Variants in EXD3 observed in about 807,000 individuals in gnomAD.
The protein encoded by EXD3 is exonuclease 3'-5' domain containing 3, also known as exonuclease mut-7 homolog.
In EXD3, 92 loss-of-function variants were observed where a neutral mutation model predicts 98.0. The ratio of observed to expected loss-of-function variants is 0.94; its 90% CI spans 0.79 to 1.12. The LOEUF (loss-of-function observed/expected upper bound fraction) is 1.12, where lower values mean the gene tolerates loss of function less well. Ranked by LOEUF, EXD3 falls within the 50% of genes most tolerant of loss-of-function variation. The pLI, the probability that EXD3 is intolerant of heterozygous loss-of-function variation, is 0.00. For synonymous variants in EXD3, 569 were observed against 526.0 expected (o/e 1.08, Z -1.12); for missense variants, 1,222 against 1,191.6 (o/e 1.03, Z -0.38).
intron 3 of EXD3, among the ~76,000 whole-genome samples, chr9:137,378,871 C>A (rs543809720): frequency 6.6e-6 from 1 of 151,084 alleles, no homozygotes; most frequent in Admixed American, 6.6e-5. Context: ...GTGAGGGGTA[C>A]AGGGTTTGTG....
At chr9:137,316,268 C>G (rs1212922118) in intron 19 of EXD3, among the ~76,000 whole-genome samples, 2 of 151,862 alleles carry the variant, frequency 1.3e-5, no homozygotes, top group African/African-American at 4.8e-5. Flanking sequence ...CCACTCAGGG[C>G]GCCCGGCGGA....
chr9:137,392,999 G>A (rs572812313), intron 2 of EXD3: 5 of 587,584 alleles, frequency 8.5e-6, no homozygotes, highest in East Asian at 2.9e-5. Context: ...GGCTGTTCTC[G>A]GTGGGGGTGC....
At chr9:137,350,964 T>C in intron 14 of EXD3, 74 bp downstream of exon 14, 2 of 1,227,340 alleles carry the variant, frequency 1.6e-6, no homozygotes, top group African/African-American at 3.0e-5. Context: ...GCTGGGAAGG[T>C]GTGGAGGGGC....
intron 17 of EXD3, among the ~76,000 whole-genome samples, chr9:137,327,652 A>G (rs528337734): frequency 1.3e-5 from 1 of 75,264 alleles, no homozygotes; most frequent in South Asian, 4.3e-4. Context: ...ATGATGAGTA[A>G]AAACAACCAA....
At chr9:137,354,623 G>T (rs754377519) in intron 9 of EXD3, 77 bp downstream of exon 9, 7 of 1,591,332 alleles carry the variant, frequency 4.4e-6, no homozygotes, top group Middle Eastern at 1.7e-4. Context: ...CCTGCAGTGC[G>T]CAGTGAGTAT....
chr9:137,384,471 G>T (rs757133500), intron 2 of EXD3, among the ~76,000 whole-genome samples: 2 of 152,232 alleles, frequency 1.3e-5, no homozygotes, highest in Non-Finnish European at 2.9e-5. Flanking sequence ...GGCAGGGAGC[G>T]CCCTGAACTG....
At chr9:137,352,888 T>C in intron 10 of EXD3, 102 bp from the exon 11 acceptor site, 2 of 1,464,022 alleles carry the variant, frequency 1.4e-6, no homozygotes, top group Non-Finnish European at 1.8e-6. Context: ...AGACTGGCTA[T>C]GAGCACTCGG....
rs761799661 is a variant in EXD3 at position 137,373,009 on chromosome 9, T to TG, written c.357dup (p.Ser120GlnfsTer52). ...ATGCTGGCCAGTGGTGCCGCAAGGCTGGGGGGGCTCTCAGTGAGGACTTTG... is the reference window on the plus strand; with the variant it reads ...ATGCTGGCCAGTGGTGCCGCAAGGCTGGGGGGGGCTCTCAGTGAGGACTTTG... On this transcript the variant is annotated frameshift_variant, in exon 5 of 22. Transcript: ENST00000340951. LOFTEE classifies it high-confidence loss of function. 76 of 1,604,984 alleles carry TG rather than the reference T, an allele frequency of 4.7e-5. No individual in the cohort carries two copies. In the Admixed American group the frequency reaches 8.2e-4, roughly 17 times the overall value.
At position 137,337,419 on chromosome 9, in the gene EXD3, A is replaced by G. The variant is rs566107584; in HGVS notation, c.1998+10652T>C. On this transcript the variant is annotated intron_variant, in intron 17 of 21. Transcript: ENST00000340951. ...TATAATCCCAGCAGTTTGGGAGGCC[A>G]AGGCGGGCGGATCACAAGGTCAGGA... Among the ~76,000 whole-genome samples, 4 of 152,212 alleles carry G rather than the reference A, an allele frequency of 2.6e-5. No homozygotes were observed. The South Asian group carries it at 6.2e-4, about 24-fold the overall frequency.
At chr9:137,397,132 G>A (rs1028386146) in intron 1 of EXD3, among the ~76,000 whole-genome samples, 1 of 152,204 alleles carries the variant, frequency 6.6e-6, no homozygotes, top group Non-Finnish European at 1.5e-5. Flanking sequence ...TGCAGTCCAG[G>A]CCAGCCAAGA....
chr9:137,395,256 C>A lies in EXD3; in HGVS notation c.55+47G>T. On this transcript the variant is annotated intron_variant, in intron 2 of 21. Transcript: ENST00000340951. This position sits in a 1 kb window ranked among gnomAD's most constrained non-coding sequence, Gnocchi z 6.5. ...ACCCCCCATGCACACCCACGCACCT[C>A]CCCCCACAGCCCCAGGGAGACTCGG... is the stretch of plus-strand genomic sequence containing the variant. The A allele has an allele frequency of 1.3e-6, 2 of 1,541,250 alleles. No individual in the cohort carries two copies. The highest frequency in any genetic ancestry group is 1.8e-6 in the Non-Finnish European group (2 of 1,114,752).
chr9:137,358,003 C>A (rs1834878637), intron 7 of EXD3, among the ~76,000 whole-genome samples: 1 of 152,044 alleles, frequency 6.6e-6, no homozygotes, highest in East Asian at 1.9e-4. Context: ...AGACGGTGCC[C>A]ACTGAGATTA....
chr9:137,411,408 C>T (rs1389961184), intron 1 of EXD3, among the ~76,000 whole-genome samples: 1 of 151,972 alleles, frequency 6.6e-6, no homozygotes, highest in Non-Finnish European at 1.5e-5. Flanking sequence ...GAGGCCTGGC[C>T]AGACACCCGG....
intron 2 of EXD3, among the ~76,000 whole-genome samples, chr9:137,391,059 GGA>G (rs1212581624): frequency 6.6e-6 from 1 of 152,204 alleles, no homozygotes; most frequent in African/African-American, 2.4e-5. Context: ...TGCTCGGCAT[GGA>G]GAGGGGCAGG....
chr9:137,308,223 G>A (rs1006039898), intron 20 of EXD3, among the ~76,000 whole-genome samples: 3 of 152,164 alleles, frequency 2.0e-5, no homozygotes, highest in Non-Finnish European at 4.4e-5. Context: ...GCCAGCAGGT[G>A]GGAGAAGCGT....
At chr9:137,310,760 C>T (rs1464067201) in intron 19 of EXD3, among the ~76,000 whole-genome samples, 1 of 152,196 alleles carries the variant, frequency 6.6e-6, no homozygotes, top group East Asian at 1.9e-4. Flanking sequence ...CCCAGGCAGG[C>T]ACCTGCAGGT....
intron 3 of EXD3, among the ~76,000 whole-genome samples, chr9:137,381,683 G>A (rs1019229671): frequency 6.6e-6 from 1 of 152,138 alleles, no homozygotes; most frequent in South Asian, 2.1e-4. Flanking sequence ...TTATACTGCA[G>A]ACCGCCCCAA....
chr9:137,333,498 C>T (rs761906861), intron 17 of EXD3, among the ~76,000 whole-genome samples: 67 of 152,182 alleles, frequency 4.4e-4, no homozygotes, highest in Non-Finnish European at 5.7e-4. Flanking sequence ...CAAATCTCAT[C>T]CTGAAATGCA....
In EXD3 at chr9:137,349,306, C is replaced by A; in HGVS notation, c.1658-24G>T. On this transcript the variant is annotated intron_variant, in intron 15 of 21. Transcript: ENST00000340951. The surrounding 1 kb of genome is among the most constrained non-coding windows in gnomAD (Gnocchi z 7.4). ...AGCTGTGTGGGGAGTCGGCCTCAGCCTCCCGGGACAGAGGGCGGGAGGGGC... is the reference window on the plus strand; with the variant it reads ...AGCTGTGTGGGGAGTCGGCCTCAGCATCCCGGGACAGAGGGCGGGAGGGGC... The A allele has an allele frequency of 1.3e-6, 2 of 1,554,420 alleles. No homozygotes were observed. Among genetic ancestry groups the A allele is most frequent in the African/African-American group, 1.4e-5 (1 of 73,916 alleles).
Sources: gnomAD v4.1 joint callset for allele counts (sites outside exome capture counted in the v4.1 genomes callset) on GRCh38, gnomAD v4.1.1 for gene constraint, Gnocchi (gnomAD v3.1) non-coding constraint, MANE v1.5 for transcripts, NCBI Gene and HGNC (gene_info 2026-07-23, HGNC 2026-07-21) for gene names.